The following MIB1 variants were observed in gnomAD, a reference collection of about 807,000 sequenced individuals.
MIB1 encodes E3 ubiquitin-protein ligase MIB1.
In MIB1, 278 loss-of-function variants were observed where a neutral mutation model predicts 124.5. That is an observed-to-expected ratio of 2.23 (90% CI 2.02 to 2.47). The LOEUF is 2.47. Ranked by LOEUF, MIB1 falls within the 30% of genes most tolerant of loss-of-function variation. MIB1 has a pLI of 0.00. For missense variants in MIB1, 957 were observed against 1,254.4 expected (o/e 0.76, Z 3.58); for synonymous variants, 446 against 429.4 (o/e 1.04, Z -0.48).
At chr18:21,728,773 G>A (rs1025186914) in intron 1 of MIB1, among the ~76,000 whole-genome samples, 1 of 152,076 alleles carries the variant, frequency 6.6e-6, no homozygotes, top group East Asian at 1.9e-4. Context: ...GCATATCCAC[G>A]ATCTCAAACA....
chr18:21,820,537 A>G (rs1202040581), intron 12 of MIB1, among the ~76,000 whole-genome samples: 1 of 152,224 alleles, frequency 6.6e-6, no homozygotes, highest in East Asian at 1.9e-4. Flanking sequence ...GTGGGTATAT[A>G]TTGTAGGACA....
chr18:21,807,674 C>G (rs1246552780), intron 10 of MIB1, among the ~76,000 whole-genome samples: 1 of 152,136 alleles, frequency 6.6e-6, no homozygotes, highest in Non-Finnish European at 1.5e-5. Flanking sequence ...AAGGATGCTA[C>G]TGAATGTCCT....
upstream of MIB1, among the ~76,000 whole-genome samples, chr18:21,739,742 C>T (rs1208898936): frequency 6.6e-6 from 1 of 151,934 alleles, no homozygotes; most frequent in Non-Finnish European, 1.5e-5. Flanking sequence ...CCCCCCCGCT[C>T]ATCTCTGCCA....
At position 21,864,710 on chromosome 18, in the gene MIB1, G is replaced by C. The variant is rs768506739; in HGVS notation, c.*44G>C. ...TTTGTTAGCTAATGTATCTAGTCAT[G>C]AGATCTTAATAGGCTTTTGATCTAG... is the stretch of plus-strand genomic sequence containing the variant. On this transcript the variant is annotated 3_prime_UTR_variant, in exon 21 of 21. Transcript: ENST00000261537. 1 of 1,516,518 alleles carries C rather than the reference G, an allele frequency of 6.6e-7. No individual in the cohort carries two copies. The highest frequency in any genetic ancestry group is 1.4e-5 in the African/African-American group (1 of 73,114). The allele number at this position is 1,516,518 out of a possible 1,614,324, so 93.9% of individuals were successfully genotyped here.
At position 21,768,736 on chromosome 18, in the gene MIB1, A is replaced by G; in HGVS notation, c.515A>G (p.Asn172Ser). ...DWQWEDQDGG[N>S]GRRGKVTEIQ... Reference sequence around the variant, plus strand: ...CAGTGGGAAGATCAAGATGGAGGAAATGGACGTAGGGGAAAGGTACAGTGT... The same window carrying G: ...CAGTGGGAAGATCAAGATGGAGGAAGTGGACGTAGGGGAAAGGTACAGTGT... The change falls in exon 3 of 21, where the codon AAT becomes AGT. Residue 172 changes from asparagine (N) to serine (S), a missense_variant. Physicochemically the swap from Asn to Ser is conservative, Grantham distance 46. Coordinates refer to ENST00000261537, the MANE Select transcript of MIB1 (RefSeq NM_020774.4). The G allele has an allele frequency of 6.2e-7, 1 of 1,610,958 alleles. No homozygotes were observed. The highest frequency in any genetic ancestry group is 8.5e-7 in the Non-Finnish European group (1 of 1,178,322).
At chr18:21,844,759 A>G (rs2042121337) in intron 15 of MIB1, among the ~76,000 whole-genome samples, 2 of 152,094 alleles carry the variant, frequency 1.3e-5, no homozygotes, top group South Asian at 4.1e-4. Context: ...CAGCCATTCA[A>G]ATAGATACGT....
intron 6 of MIB1, among the ~76,000 whole-genome samples, chr18:21,780,175 A>T (rs562671136): frequency 6.6e-6 from 1 of 152,296 alleles, no homozygotes; most frequent in Admixed American, 6.5e-5. Flanking sequence ...CCATGCATAC[A>T]ATGTATAATG....
At chr18:21,716,454 A>AT (rs1222060440) in intron 1 of MIB1, among the ~76,000 whole-genome samples, 1 of 152,200 alleles carries the variant, frequency 6.6e-6, no homozygotes, top group Non-Finnish European at 1.5e-5. Flanking sequence ...CAAAAATATA[A>AT]TTAAAAAACA....
At chr18:21,728,826 C>G (rs535909854) in intron 1 of MIB1, among the ~76,000 whole-genome samples, 1 of 152,214 alleles carries the variant, frequency 6.6e-6, no homozygotes, top group Admixed American at 6.5e-5. Flanking sequence ...ACCTGCTCTT[C>G]TAGCTATTTA....
rs765704566 is a variant in MIB1, at chr18:21,857,195, A to G, written c.2731A>G (p.Ile911Val). 6.2e-7 allele frequency: 1 copy of G among 1,614,040 alleles called. No individual in the cohort carries two copies. The highest frequency in any genetic ancestry group is 1.3e-5 in the African/African-American group (1 of 74,932). Residue 911 changes from isoleucine (I) to valine (V), a missense_variant, in exon 19 of 21, where the codon ATT becomes GTT. By Grantham distance (29) the Ile-to-Val change is conservative. Transcript: ENST00000261537. ...AGTAGTTGAACGAAGAGTGCCTTTC[A>G]TTATGTGCTGTGGAGGGAAAAGTTC... Reference protein sequence around the residue: ...RAVVERRVPFIMCCGGKSSED... With the variant: ...RAVVERRVPFVMCCGGKSSED...
rs2042237851 is a variant in MIB1, at chr18:21,857,248, G to A, written c.2779+5G>A. The stretch of plus-strand genomic sequence containing the variant: ...AAGATGCCACTGATGATATCTGTAA[G>A]TCGATTGTCTTAAGCATTTTCATAT... On this transcript the variant is annotated splice_donor_5th_base_variant and intron_variant, in intron 19 of 20. Transcript: ENST00000261537. 6.3e-7 allele frequency: 1 copy of A among 1,598,838 alleles called. No individual in the cohort carries two copies. The highest frequency in any genetic ancestry group is 1.3e-5 in the African/African-American group (1 of 74,600).
chr18:21,709,421 T>G (rs1046403908), intron 1 of MIB1, among the ~76,000 whole-genome samples: 1 of 152,080 alleles, frequency 6.6e-6, no homozygotes, highest in African/African-American at 2.4e-5. Flanking sequence ...CCAGCTATGC[T>G]GGGCACAAGG....
chr18:21,799,878 C>T lies in MIB1; in HGVS notation c.1275C>T (p.Thr425=), dbSNP rs760233748. 1.2e-6 allele frequency: 2 copies of T among 1,611,360 alleles called. No individual in the cohort carries two copies. The highest frequency in any genetic ancestry group is 1.7e-6 in the Non-Finnish European group (2 of 1,178,276). Residue 425 remains threonine, a synonymous_variant, in exon 9 of 21, where the codon ACC becomes ACT. Coordinates refer to ENST00000261537, the MANE Select transcript of MIB1 (RefSeq NM_020774.4). ...LSQLLKKLFE[T]QESGDLNEEL... ...AACTCCTGAAGAAATTATTTGAAAC[C>T]CAAGAATCTGGTGACCTCAATGAAG...
At chr18:21,842,091 C>CAAAAAAAAAAAAAAAAAAAAAAA (rs376834305) in intron 13 of MIB1, among the ~76,000 whole-genome samples, 1 of 35,686 alleles carries the variant, frequency 2.8e-5, no homozygotes, top group Non-Finnish European at 4.1e-5. Flanking sequence ...GACCCTATCT[C>CAAAAAAAAAAAAAAAAAAAAAAA]AAAAAAAAAA....
intron 9 of MIB1, among the ~76,000 whole-genome samples, chr18:21,800,309 T>G (rs2041636925): frequency 1.3e-5 from 2 of 152,106 alleles, no homozygotes; most frequent in South Asian, 4.1e-4. Flanking sequence ...TTAGTGAATT[T>G]TATAAGCAAT....
chr18:21,717,969 A>G (rs1166144145), intron 1 of MIB1, among the ~76,000 whole-genome samples: 3 of 152,364 alleles, frequency 2.0e-5, no homozygotes, highest in Admixed American at 2.0e-4. Context: ...ACAATTCACA[A>G]TTGTAAAAAT....
chr18:21,768,517 A>G, intron 2 of MIB1, 106 bp from the exon 3 acceptor site: 1 of 791,566 alleles, frequency 1.3e-6, no homozygotes, highest in Admixed American at 2.7e-5. Context: ...AGAACAATGA[A>G]GAATCTTTTT....
intron 4 of MIB1, among the ~76,000 whole-genome samples, chr18:21,776,600 C>T (rs945232235): frequency 6.6e-6 from 1 of 152,196 alleles, no homozygotes; most frequent in African/African-American, 2.4e-5. Context: ...ACAGCTACCT[C>T]CCCCATTCAG....
intron 7 of MIB1, among the ~76,000 whole-genome samples, chr18:21,792,647 T>G (rs2041520204): frequency 6.6e-6 from 1 of 152,252 alleles, no homozygotes; most frequent in Non-Finnish European, 1.5e-5. Context: ...TTATGATGCT[T>G]TTATTCAAAG....
Sources: allele counts gnomAD v4.1 joint callset (sites outside exome capture counted in the v4.1 genomes callset), GRCh38; gene constraint gnomAD v4.1.1; transcripts MANE v1.5; gene names NCBI Gene and HGNC (gene_info 2026-07-23, HGNC 2026-07-21).